P2RY13: variants seen among roughly 807,000 people sequenced by gnomAD.
P2RY13 encodes the protein P2Y purinoceptor 13.
For synonymous variants in P2RY13, 150 were observed against 155.1 expected (o/e 0.97, Z 0.24); for missense variants, 412 against 418.4 (o/e 0.98, Z 0.13).
chr3:151,326,721 G>A lies in P2RY13; in HGVS notation c.*1270C>T, dbSNP rs1462481618. The A allele has an allele frequency of 1.3e-5, 2 of 152,208 alleles. No homozygotes were observed. Among genetic ancestry groups the A allele is most frequent in the South Asian group, 2.1e-4 (1 of 4,830 alleles). 9.4% of individuals were successfully genotyped at this position (152,208 alleles called of 1,614,324 possible). Reference sequence around the variant, plus strand: ...GGTAGGCAAGTTCTAGGGCCTTTGAGGCCATGGAAGAAAACGTGGGCTTCA... The same window carrying A: ...GGTAGGCAAGTTCTAGGGCCTTTGAAGCCATGGAAGAAAACGTGGGCTTCA... On this transcript the variant is annotated 3_prime_UTR_variant, in exon 2 of 2. Transcript: ENST00000325602.
At position 151,327,998 on chromosome 3, in the gene P2RY13, A is replaced by G; in HGVS notation, c.1058T>C (p.Leu353Ser). The G allele has an allele frequency of 3.8e-6, 6 of 1,560,084 alleles. No individual in the cohort carries two copies. Among genetic ancestry groups the G allele is most frequent in the Non-Finnish European group, 5.2e-6 (6 of 1,158,750 alleles). Residue 353 changes from leucine (L) to serine (S), a missense_variant, in exon 2 of 2, where the codon TTA becomes TCA. Transcript: ENST00000325602. ...TAACCCTATGTACAGTTGTCAGCCT[A>G]AGGTTATGTTGTCTGTCTGACTGCT... ...NHSSQTDNIT[L>S]G
intron 1 of P2RY13, 88 bp downstream of exon 1, chr3:151,329,393 G>T: frequency 1.3e-6 from 1 of 755,204 alleles, no homozygotes; most frequent in Non-Finnish European, 2.2e-6. Context: ...ATGGTTTGTA[G>T]AATATTAACT....
In P2RY13 at chr3:151,328,293, CT is replaced by C; in HGVS notation, c.762del (p.Gly255AlafsTer61). 6.2e-7 allele frequency: 1 copy of C among 1,613,928 alleles called. No individual in the cohort carries two copies. The highest frequency in any genetic ancestry group is 8.5e-7 in the Non-Finnish European group (1 of 1,179,920). On this transcript the variant is annotated frameshift_variant, in exon 2 of 2. Coordinates refer to ENST00000325602, the MANE Select transcript of P2RY13 (RefSeq NM_176894.3). LOFTEE classifies it low-confidence loss of function (END_TRUNC). ...SKDRKNNKKL[E>X]GKVFVVVAVF... ...ACAGCCACGACAACAAATACTTTGCCTTCCAGCTTTTTGTTGTTTTTTCTGT... is the reference window on the plus strand; with the variant it reads ...ACAGCCACGACAACAAATACTTTGCCTCCAGCTTTTTGTTGTTTTTTCTGT...
rs1491980 is a variant in P2RY13 at position 151,327,873 on chromosome 3, G to C, written c.*118C>G. ...ATTTTATATAATCTTTTCTGTACAC[G>C]AGGATAATAAAATGTAAGAGAGCAT... is the stretch of plus-strand genomic sequence containing the variant. On this transcript the variant is annotated 3_prime_UTR_variant, in exon 2 of 2. Transcript: ENST00000325602. 0.85 allele frequency: 611,170 copies of C among 716,294 alleles called. 261,419 individuals carry two copies. Among genetic ancestry groups the C allele is most frequent in the Middle Eastern group, 0.95 (3,658 of 3,842 alleles). The allele number at this position is 716,294 out of a possible 1,614,324, so 44.4% of individuals were successfully genotyped here. A position where few individuals can be genotyped will look rare whatever the true frequency, so the allele number is the denominator to read the frequency against.
chr3:151,328,248 G>A lies in P2RY13; in HGVS notation c.808C>T (p.Pro270Ser), dbSNP rs1455021157. The A allele has an allele frequency of 1.2e-6, 2 of 1,613,798 alleles. No individual in the cohort carries two copies. The highest frequency in any genetic ancestry group is 2.7e-5 in the African/African-American group (2 of 74,888). The change falls in exon 2 of 2, where the codon CCA (proline) becomes TCA (serine). Residue 270 changes from proline (P) to serine (S), a missense_variant. By Grantham distance (74) the Pro-to-Ser change is moderately conservative. Transcript: ENST00000325602. ...VVAVFFVCFA[P>S]FHFARVPYTH... The stretch of plus-strand genomic sequence containing the variant: ...TATGGAACTCTGGCAAAATGAAATG[G>A]AGCAAAACACACAAAGAAGACAGCC...
At position 151,327,811 on chromosome 3, in the gene P2RY13, G is replaced by A. The variant is rs891078401; in HGVS notation, c.*180C>T. ...ATCCTGTTGCATTCTCTTAGTAATG[G>A]TTCATTCAGCTTATGAATAGATCTA... On this transcript the variant is annotated 3_prime_UTR_variant, in exon 2 of 2. Coordinates refer to ENST00000325602, the MANE Select transcript of P2RY13 (RefSeq NM_176894.3). 7.7e-5 allele frequency: 34 copies of A among 442,972 alleles called. No individual in the cohort carries two copies. The highest frequency in any genetic ancestry group is 1.3e-4 in the Non-Finnish European group (32 of 252,362). 27.4% of individuals were successfully genotyped at this position (442,972 alleles called of 1,614,324 possible).
In P2RY13 at chr3:151,328,926, G is replaced by A. The variant is rs1257306724; in HGVS notation, c.130C>T (p.Gln44Ter). ...ERCPRDTRIV[Q>*]LVFPALYTVV... ...GTGTAGAGGGCTGGGAATACCAGCTGTACTATCCGAGTGTCTCTGGGGCAC... is the reference window on the plus strand; with the variant it reads ...GTGTAGAGGGCTGGGAATACCAGCTATACTATCCGAGTGTCTCTGGGGCAC... The change falls in exon 2 of 2, where the codon CAG becomes TAG. Residue 44 changes from glutamine to a stop codon, truncating the protein, a stop_gained. Transcript: ENST00000325602. LOFTEE classifies it low-confidence loss of function (END_TRUNC). 6.2e-7 allele frequency: 1 copy of A among 1,613,354 alleles called. No individual in the cohort carries two copies. Among genetic ancestry groups the A allele is most frequent in the South Asian group, 1.1e-5 (1 of 91,072 alleles).
rs777028773 is a variant in P2RY13, at chr3:151,328,032, C to G, written c.1024G>C (p.Glu342Gln). 5.0e-6 allele frequency: 8 copies of G among 1,594,214 alleles called. 1 individual carries two copies. The South Asian group carries it at 9.1e-5, about 18-fold the overall frequency. ...TTGTCTGTCTGACTGCTATGATTTT[C>G]TTGGCTTGATGCTGTGGTCTTTCTC... ...QGRKTTASSQENHSSQTDNIT... is the reference protein window; with the variant it reads ...QGRKTTASSQQNHSSQTDNIT... The change falls in exon 2 of 2, where the codon GAA becomes CAA. Residue 342 changes from glutamate to glutamine, a missense_variant. Glu to Gln is a conservative substitution (Grantham distance 29). Coordinates refer to ENST00000325602, the MANE Select transcript of P2RY13 (RefSeq NM_176894.3).
chr3:151,328,766 G>A lies in P2RY13; in HGVS notation c.290C>T (p.Pro97Leu). 6.2e-7 allele frequency: 1 copy of A among 1,613,998 alleles called. No homozygotes were observed. The highest frequency in any genetic ancestry group is 1.1e-5 in the South Asian group (1 of 91,076). ...GTGTGAGTCAGAGAGGATTTTGAAAGGAAGCATGAGTGTCATTATCAAGTC... is the reference window on the plus strand; with the variant it reads ...GTGTGAGTCAGAGAGGATTTTGAAAAGAAGCATGAGTGTCATTATCAAGTC... ...VADLIMTLML[P>L]FKILSDSHLA... is the part of the protein sequence containing the mutation. Residue 97 changes from proline to leucine, a missense_variant, in exon 2 of 2, where the codon CCT becomes CTT. Pro to Leu is a moderately conservative substitution (Grantham distance 98). Transcript: ENST00000325602.
chr3:151,326,772 G>C lies in P2RY13; in HGVS notation c.*1219C>G, dbSNP rs1391894708. The stretch of plus-strand genomic sequence containing the variant: ...CCCTACGATGGTCGTGTTGGAGCTC[G>C]TGGCACATTTACAGAGCTTAACTAC... On this transcript the variant is annotated 3_prime_UTR_variant, in exon 2 of 2. Transcript: ENST00000325602. The C allele has an allele frequency of 1.4e-4, 22 of 152,134 alleles. No homozygotes were observed. The highest frequency in any genetic ancestry group is 1.4e-3 in the Admixed American group (22 of 15,264). The allele number at this position is 152,134 out of a possible 1,614,324, so 9.4% of individuals were successfully genotyped here.
In P2RY13 at chr3:151,328,060, T is replaced by A. The variant is rs752724201; in HGVS notation, c.996A>T (p.Gln332His). 7 of 1,608,982 alleles carry A rather than the reference T, an allele frequency of 4.4e-6. No homozygotes were observed. Among genetic ancestry groups the A allele is most frequent in the Non-Finnish European group, 5.9e-6 (7 of 1,178,218 alleles). The change falls in exon 2 of 2, where the codon CAA (glutamine) becomes CAT (histidine). Residue 332 changes from glutamine (Q) to histidine (H), a missense_variant. Gln to His is a conservative substitution (Grantham distance 24). Coordinates refer to ENST00000325602, the MANE Select transcript of P2RY13 (RefSeq NM_176894.3). ...KKFTEKLPCM[Q>H]GRKTTASSQE... is the part of the protein sequence containing the mutation. ...GGCTTGATGCTGTGGTCTTTCTCCC[T>A]TGCATACATGGTAGCTTTTCTGTGA...
chr3:151,328,456 A>T lies in P2RY13; in HGVS notation c.600T>A (p.Pro200=). The change falls in exon 2 of 2, where the codon CCT becomes CCA. Residue 200 remains proline (P), a synonymous_variant. Transcript: ENST00000325602. ...CCATTTGATGCCATTTCAGCCCCAG[A>T]GGCCCCTTTAAGGAAGCACACTTTT... ...SVKKCASLKG[P]LGLKWHQMVN... 6.2e-7 allele frequency: 1 copy of T among 1,613,904 alleles called. No homozygotes were observed. The highest frequency in any genetic ancestry group is 8.5e-7 in the Non-Finnish European group (1 of 1,179,816).
chr3:151,328,647 T>TG lies in P2RY13; in HGVS notation c.408dup (p.Ile137HisfsTer4). On this transcript the variant is annotated frameshift_variant, in exon 2 of 2. Transcript: ENST00000325602. LOFTEE classifies it low-confidence loss of function (END_TRUNC). Reference sequence around the variant, plus strand: ...ATCTTGAGGAATCTGTCAAAGGCTATGAGCCCTAACAGCACGATGCCCACA... The same window carrying TG: ...ATCTTGAGGAATCTGTCAAAGGCTATGGAGCCCTAACAGCACGATGCCCACA... 6.2e-7 allele frequency: 1 copy of TG among 1,613,982 alleles called. No individual in the cohort carries two copies. Among genetic ancestry groups the TG allele is most frequent in the Non-Finnish European group, 8.5e-7 (1 of 1,179,940 alleles).
Position 151,328,752 on chromosome 3 carries a change from A to G in P2RY13, c.304T>C (p.Ser102Pro). 1 of 1,614,030 alleles carries G rather than the reference A, an allele frequency of 6.2e-7. No homozygotes were observed. Among genetic ancestry groups the G allele is most frequent in the Non-Finnish European group, 8.5e-7 (1 of 1,179,954 alleles). ...TGCCAGGGTGCCAGGTGTGAGTCAGAGAGGATTTTGAAAGGAAGCATGAGT... is the reference window on the plus strand; with the variant it reads ...TGCCAGGGTGCCAGGTGTGAGTCAGGGAGGATTTTGAAAGGAAGCATGAGT... ...MTLMLPFKILSDSHLAPWQLR... is the reference protein window; with the variant it reads ...MTLMLPFKILPDSHLAPWQLR... Residue 102 changes from serine (S) to proline (P), a missense_variant, in exon 2 of 2, where the codon TCT (serine) becomes CCT (proline). Transcript: ENST00000325602.
In P2RY13 at chr3:151,328,202, T is replaced by C. The variant is rs376103971; in HGVS notation, c.854A>G (p.Asn285Ser). The change falls in exon 2 of 2, where the codon AAT (asparagine) becomes AGT (serine). Residue 285 changes from asparagine to serine, a missense_variant. Asn to Ser is a conservative substitution (Grantham distance 46). Coordinates refer to ENST00000325602, the MANE Select transcript of P2RY13 (RefSeq NM_176894.3). Reference protein sequence around the residue: ...RVPYTHSQTNNKTDCRLQNQL... With the variant: ...RVPYTHSQTNSKTDCRLQNQL... ...ATTTTGCAGTCTACAGTCAGTCTTA[T>C]TGTTGGTTTGACTGTGAGTATATGG... 3.1e-6 allele frequency: 5 copies of C among 1,612,770 alleles called. No homozygotes were observed. The African/African-American group carries it at 5.3e-5, about 17-fold the overall frequency.
chr3:151,328,693 C>G lies in P2RY13; in HGVS notation c.363G>C (p.Val121=). 6.2e-7 allele frequency: 1 copy of G among 1,613,960 alleles called. No homozygotes were observed. The highest frequency in any genetic ancestry group is 8.5e-7 in the Non-Finnish European group (1 of 1,179,930). ...CCACATACATGGTCTCATAAAATAT[C>G]ACCGAAGAAAAACGACACACAAAAG... is the stretch of plus-strand genomic sequence containing the variant. The part of the protein sequence containing the change: ...LRAFVCRFSS[V]IFYETMYVGI... The change falls in exon 2 of 2, where the codon GTG becomes GTC. Residue 121 remains valine, a synonymous_variant. Transcript: ENST00000325602.
rs1005001415 is a variant in P2RY13 at position 151,328,669 on chromosome 3, C to A, written c.387G>T (p.Val129=). ...SSVIFYETMY[V]GIVLLGLIAF... ...CTATGAGCCCTAACAGCACGATGCCCACATACATGGTCTCATAAAATATCA... is the reference window on the plus strand; with the variant it reads ...CTATGAGCCCTAACAGCACGATGCCAACATACATGGTCTCATAAAATATCA... The change falls in exon 2 of 2, where the codon GTG becomes GTT. Residue 129 remains valine, a synonymous_variant. Transcript: ENST00000325602. The A allele has an allele frequency of 1.5e-5, 24 of 1,613,588 alleles. No homozygotes were observed. The highest frequency in any genetic ancestry group is 1.9e-5 in the Non-Finnish European group (23 of 1,179,598).
rs1333266718 is a variant in P2RY13 at position 151,326,625 on chromosome 3, G to A, written c.*1366C>T. On this transcript the variant is annotated 3_prime_UTR_variant, in exon 2 of 2. Coordinates refer to ENST00000325602, the MANE Select transcript of P2RY13 (RefSeq NM_176894.3). ...GCCAAAACAGAGTATGGCATTTTCT[G>A]AAAGTTAGAAATTTATACAAGAGTA... The A allele has an allele frequency of 6.6e-6, 1 of 152,174 alleles. No homozygotes were observed. Among genetic ancestry groups the A allele is most frequent in the Non-Finnish European group, 1.5e-5 (1 of 68,038 alleles). The allele number at this position is 152,174 out of a possible 1,614,324, so 9.4% of individuals were successfully genotyped here. A position where few individuals can be genotyped will look rare whatever the true frequency, so the allele number is the denominator to read the frequency against.
In P2RY13 at chr3:151,328,717, A is replaced by T. The variant is rs1238157491; in HGVS notation, c.339T>A (p.Ala113=). ...TCACCGAAGAAAAACGACACACAAA[A>T]GCTCTGAGCTGCCAGGGTGCCAGGT... ...DSHLAPWQLR[A]FVCRFSSVIF... is the part of the protein sequence containing the mutation. The change falls in exon 2 of 2, where the codon GCT becomes GCA. Residue 113 remains alanine, a synonymous_variant. Coordinates refer to ENST00000325602, the MANE Select transcript of P2RY13 (RefSeq NM_176894.3). The T allele has an allele frequency of 3.7e-6, 6 of 1,613,926 alleles. No individual in the cohort carries two copies. In the African/African-American group the frequency reaches 6.7e-5, roughly 18 times the overall value.
Sources: gnomAD v4.1 joint callset for allele counts on GRCh38, gnomAD v4.1.1 for gene constraint, MANE v1.5 for transcripts, NCBI Gene and HGNC (gene_info 2026-07-23, HGNC 2026-07-21) for gene names.